The following DROSHA variants were observed in gnomAD, a reference collection of about 807,000 sequenced individuals.
The protein encoded by DROSHA is drosha ribonuclease III.
DROSHA carries 56 observed loss-of-function variants against 181.9 expected under a neutral mutation model. That is an observed-to-expected ratio of 0.31 (90% CI 0.25 to 0.38). DROSHA has a LOEUF of 0.38. DROSHA is among the 10% of genes least tolerant of loss of function. DROSHA has a pLI of 1.00. For missense variants in DROSHA, 1,218 were observed against 1,743.5 expected (o/e 0.70, Z 5.37); for synonymous variants, 524 against 591.2 (o/e 0.89, Z 1.65).
intron 3 of DROSHA, among the ~76,000 whole-genome samples, chr5:31,530,585 G>A (rs1422380952): frequency 6.9e-6 from 1 of 145,182 alleles, no homozygotes; most frequent in East Asian, 2.0e-4. Flanking sequence ...AGTTCAGATC[G>A]CGCCATTGCA....
At chr5:31,523,826 T>C (rs1740183724) in intron 5 of DROSHA, among the ~76,000 whole-genome samples, 2 of 151,556 alleles carry the variant, frequency 1.3e-5, no homozygotes, top group African/African-American at 4.9e-5. Context: ...AATACAAAAA[T>C]TAGCCGGGCT....
At chr5:31,427,725 A>C (rs777736817) in intron 27 of DROSHA, among the ~76,000 whole-genome samples, 3 of 152,186 alleles carry the variant, frequency 2.0e-5, no homozygotes, top group Non-Finnish European at 4.4e-5. Context: ...CAGCCAATCA[A>C]CCTGACTTTG....
chr5:31,428,690 C>T (rs1309169321), intron 27 of DROSHA, among the ~76,000 whole-genome samples: 3 of 152,200 alleles, frequency 2.0e-5, no homozygotes, highest in Non-Finnish European at 4.4e-5. Context: ...GTCTGACAGC[C>T]ATTTAAGCTG....
At chr5:31,530,212 C>T (rs1380150809) in intron 3 of DROSHA, among the ~76,000 whole-genome samples, 2 of 151,998 alleles carry the variant, frequency 1.3e-5, no homozygotes, top group Non-Finnish European at 2.9e-5. Context: ...TCTCTTACTC[C>T]TGGGCTCAAG....
chr5:31,525,120 C>T (rs1436170518), intron 5 of DROSHA, among the ~76,000 whole-genome samples: 1 of 151,964 alleles, frequency 6.6e-6, no homozygotes, highest in Non-Finnish European at 1.5e-5. Flanking sequence ...CACCTGAGGT[C>T]AGGAGTTCGA....
chr5:31,446,484 C>A (rs1746312579), intron 23 of DROSHA, among the ~76,000 whole-genome samples: 2 of 136,366 alleles, frequency 1.5e-5, no homozygotes, highest in Admixed American at 7.3e-5. Context: ...TTTATAACAG[C>A]ACAAAAAAGA....
Position 31,470,287 on chromosome 5 carries a change from A to G in DROSHA, c.2241+1776T>C, listed in dbSNP as rs185621029. Among the ~76,000 whole-genome samples, 8 of 152,286 alleles carry G rather than the reference A, an allele frequency of 5.3e-5. No homozygotes were observed. The highest frequency in any genetic ancestry group is 1.4e-4 in the African/African-American group (6 of 41,580). ...TCCTCAGAGATCTTACTGTTTAGGAAGCACCCCTGGCAAGCCTATCCCAGT... is the reference window on the plus strand; with the variant it reads ...TCCTCAGAGATCTTACTGTTTAGGAGGCACCCCTGGCAAGCCTATCCCAGT... On this transcript the variant is annotated intron_variant, in intron 17 of 35. Transcript: ENST00000344624. This position sits in a 1 kb window ranked among gnomAD's most constrained non-coding sequence, Gnocchi z 4.0.
chr5:31,477,639 C>T (rs1163329795), intron 16 of DROSHA, among the ~76,000 whole-genome samples: 1 of 152,146 alleles, frequency 6.6e-6, no homozygotes, highest in African/African-American at 2.4e-5. Context: ...AGTCAATTTG[C>T]AAAACTGATT....
At chr5:31,516,057 A>G (rs1227966476) in intron 6 of DROSHA, among the ~76,000 whole-genome samples, 3 of 152,178 alleles carry the variant, frequency 2.0e-5, no homozygotes, top group Admixed American at 6.5e-5. Flanking sequence ...GGGGTTCCAG[A>G]CCAGCCTGGG....
At chr5:31,463,660 T>C (rs192556807) in intron 20 of DROSHA, among the ~76,000 whole-genome samples, 2 of 152,274 alleles carry the variant, frequency 1.3e-5, no homozygotes, top group African/African-American at 4.8e-5. Flanking sequence ...ATTCCACCCA[T>C]AGGAAAAACA....
At chr5:31,419,902 AT>A (rs1465394463) in intron 30 of DROSHA, among the ~76,000 whole-genome samples, 1 of 152,030 alleles carries the variant, frequency 6.6e-6, no homozygotes, top group Non-Finnish European at 1.5e-5. Context: ...TAGTTTATGA[AT>A]TTAATATTAA....
At chr5:31,508,099 T>A (rs1452827899) in intron 10 of DROSHA, among the ~76,000 whole-genome samples, 1 of 152,186 alleles carries the variant, frequency 6.6e-6, no homozygotes, top group Non-Finnish European at 1.5e-5. Context: ...GACACAAATC[T>A]TTTTTAACAA....
At chr5:31,474,736 G>A (rs1308068702) in intron 16 of DROSHA, among the ~76,000 whole-genome samples, 1 of 152,200 alleles carries the variant, frequency 6.6e-6, no homozygotes, top group Middle Eastern at 3.4e-3. Context: ...GGTCATGAAG[G>A]TAGAGCCCTC....
At chr5:31,513,864 C>T (rs1738968347) in intron 8 of DROSHA, among the ~76,000 whole-genome samples, 1 of 152,078 alleles carries the variant, frequency 6.6e-6, no homozygotes, top group Admixed American at 6.5e-5. Context: ...TACTCTGTGG[C>T]AAATATGCCT....
intron 18 of DROSHA, chr5:31,467,402 T>A (rs1482359618): frequency 6.6e-6 from 1 of 151,936 alleles, no homozygotes; most frequent in Non-Finnish European, 1.5e-5. Context: ...ACATCCTAAA[T>A]CTTCTCCCAG....
At chr5:31,474,350 T>C (rs1750116120) in intron 16 of DROSHA, among the ~76,000 whole-genome samples, 1 of 152,110 alleles carries the variant, frequency 6.6e-6, no homozygotes, top group African/African-American at 2.4e-5. Flanking sequence ...CCAAATTTCA[T>C]ATATTAAAGT....
At chr5:31,412,795 C>T (rs1313021012) in intron 30 of DROSHA, among the ~76,000 whole-genome samples, 1 of 152,052 alleles carries the variant, frequency 6.6e-6, no homozygotes, top group Non-Finnish European at 1.5e-5. Context: ...AATAAAGAGC[C>T]CACTAGCCTA....
intron 35 of DROSHA, among the ~76,000 whole-genome samples, chr5:31,402,802 A>AT (rs1740179797): frequency 6.6e-6 from 1 of 152,032 alleles, no homozygotes; most frequent in South Asian, 2.1e-4. Context: ...TTATTTATTT[A>AT]TTATTTATTT....
chr5:31,513,511 A>C, intron 8 of DROSHA, among the ~76,000 whole-genome samples: 1 of 152,226 alleles, frequency 6.6e-6, no homozygotes, highest in East Asian at 1.9e-4. Flanking sequence ...GGCACCGTAA[A>C]GTGCACAGTA....
Sources: allele counts gnomAD v4.1 joint callset (sites outside exome capture counted in the v4.1 genomes callset), GRCh38; gene constraint gnomAD v4.1.1; non-coding constraint Gnocchi (gnomAD v3.1); transcripts MANE v1.5; gene names NCBI Gene and HGNC (gene_info 2026-07-23, HGNC 2026-07-21).